BRCA1: variants seen among roughly 807,000 people sequenced by gnomAD.
The protein encoded by BRCA1 is breast cancer type 1 susceptibility protein.
Under a neutral mutation model 173.7 loss-of-function variants are expected in BRCA1, and 140 were observed. The observed-to-expected ratio is 0.81, with a 90% CI of 0.70 to 0.93. The LOEUF (loss-of-function observed/expected upper bound fraction) is 0.93. Among genes scored for constraint, BRCA1 ranks in the 40% least tolerant of loss-of-function variants. The probability of loss-of-function intolerance (pLI) is 0.00; values close to 1 mark genes in which losing one functional copy is unlikely to be tolerated. For missense variants in BRCA1, 1,983 were observed against 2,172.5 expected (o/e 0.91, Z 1.73); for synonymous variants, 662 against 756.0 (o/e 0.88, Z 2.04).
At chr17:43,067,890 T>G (rs868835932) in intron 15 of BRCA1, among the ~76,000 whole-genome samples, 195 bp from the exon 16 acceptor site, 1 of 50,112 alleles carries the variant, frequency 2.0e-5, no homozygotes, top group Non-Finnish European at 3.3e-5. Context: ...AGGCTGGAGG[T>G]AAAAAAAAAA....
At chr17:43,109,894 G>A (rs892479569) in intron 3 of BRCA1, among the ~76,000 whole-genome samples, 12 of 151,390 alleles carry the variant, frequency 7.9e-5, no homozygotes, top group East Asian at 3.9e-4. Context: ...ATAAGGATTC[G>A]AATCTTTTTT....
At chr17:43,103,460 C>G (rs574731550) in intron 6 of BRCA1, among the ~76,000 whole-genome samples, 60 of 142,668 alleles carry the variant, frequency 4.2e-4, no homozygotes, top group Non-Finnish European at 8.1e-4. Flanking sequence ...GAGCGAGACT[C>G]TGTCTCAAAA....
At chr17:43,155,979 G>A (rs1161973879) in intron 1 of BRCA1, among the ~76,000 whole-genome samples, 3 of 152,136 alleles carry the variant, frequency 2.0e-5, no homozygotes, top group South Asian at 2.1e-4. Flanking sequence ...GGCTCACACT[G>A]TAATCCCAGC....
intron 1 of BRCA1, among the ~76,000 whole-genome samples, chr17:43,147,937 C>T (rs1212042031): frequency 6.6e-6 from 1 of 152,176 alleles, no homozygotes; most frequent in Non-Finnish European, 1.5e-5. Context: ...CCTATCCCTC[C>T]CCACCTCTGG....
At chr17:43,066,621 G>T (rs2052081554) in intron 16 of BRCA1, among the ~76,000 whole-genome samples, 1 of 151,598 alleles carries the variant, frequency 6.6e-6, no homozygotes, top group Non-Finnish European at 1.5e-5. Flanking sequence ...ATATTGGCCA[G>T]GCTGGTCTCG....
In BRCA1 at chr17:43,067,343, C is replaced by T. The variant is rs147144902; in HGVS notation, c.5074+265G>A. On this transcript the variant is annotated intron_variant, in intron 16 of 22. Transcript: ENST00000357654. ...GATCTCGGCTCACTGCAACCTCCAT[C>T]TCCCCGGTTCAAGTGATTCTCCTGC... is the stretch of plus-strand genomic sequence containing the variant. 0.017 allele frequency: 5,670 copies of T among 340,932 alleles called. 114 individuals are homozygous for T. The highest frequency in any genetic ancestry group is 0.035 in the South Asian group (1,367 of 38,834). 21.1% of individuals were successfully genotyped at this position (340,932 alleles called of 1,614,324 possible). A position where few individuals can be genotyped will look rare whatever the true frequency, so the allele number is the denominator to read the frequency against.
At chr17:43,106,118 TAAA>T (rs766678487) in intron 4 of BRCA1, among the ~76,000 whole-genome samples, 4 of 124,466 alleles carry the variant, frequency 3.2e-5, no homozygotes, top group Admixed American at 8.3e-5. Context: ...GACCCTGTCT[TAAA>T]AAAAAAAAAA....
At chr17:43,067,884 T>G (rs1597826768) in intron 15 of BRCA1, among the ~76,000 whole-genome samples, 189 bp from the exon 16 acceptor site, 2 of 50,042 alleles carry the variant, frequency 4.0e-5, no homozygotes, top group Non-Finnish European at 6.7e-5. Context: ...TCACCCAGGC[T>G]GGAGGTAAAA....
intron 11 of BRCA1, among the ~76,000 whole-genome samples, chr17:43,083,502 T>G (rs1388664962): frequency 2.0e-5 from 3 of 152,164 alleles, no homozygotes; most frequent in Non-Finnish European, 2.9e-5. Flanking sequence ...AATTCATGAA[T>G]CTATCTGTTT....
At chr17:43,074,075 G>A (rs1026088370) in intron 14 of BRCA1, among the ~76,000 whole-genome samples, 7 of 152,012 alleles carry the variant, frequency 4.6e-5, no homozygotes. Flanking sequence ...TACATTTAGA[G>A]TACACCAAGA....
At chr17:43,123,361 T>G (rs912110275) in intron 2 of BRCA1, among the ~76,000 whole-genome samples, 4 of 146,956 alleles carry the variant, frequency 2.7e-5, no homozygotes, top group African/African-American at 7.7e-5. Context: ...TTTTTTTTTT[T>G]TTTTTTTTTT....
rs574913562 is a variant in BRCA1, at chr17:43,100,689, A to ATGT, written c.442-810_442-809insACA. On this transcript the variant is annotated intron_variant, in intron 6 of 22. Coordinates refer to ENST00000357654, the MANE Select transcript of BRCA1 (RefSeq NM_007294.4). Reference sequence around the variant, plus strand: ...ATATATATATATATAATATATATATATATATATATATATGTAATCCCAGCA... The same window carrying ATGT: ...ATATATATATATATAATATATATATATGTTATATATATATATGTAATCCCAGCA... Among the ~76,000 whole-genome samples the ATGT allele has an allele frequency of 6.2e-5, 6 of 96,922 alleles. No individual in the cohort carries two copies. Among genetic ancestry groups the ATGT allele is most frequent in the Admixed American group, 1.2e-4 (1 of 8,412 alleles). The allele number at this position is 96,922 out of a possible 152,430, so 63.6% of individuals were successfully genotyped here.
intron 2 of BRCA1, among the ~76,000 whole-genome samples, chr17:43,121,789 A>C (rs1461001861): frequency 6.6e-6 from 1 of 151,976 alleles, no homozygotes; most frequent in Non-Finnish European, 1.5e-5. Context: ...ACAATTTAGC[A>C]TTTTCATTCT....
chr17:43,054,551 C>T (rs2051379523), intron 19 of BRCA1, among the ~76,000 whole-genome samples: 1 of 151,992 alleles, frequency 6.6e-6, no homozygotes, highest in Non-Finnish European at 1.5e-5. Flanking sequence ...GCATTCTTCT[C>T]ACCTCAGCCT....
intron 1 of BRCA1, chr17:43,153,790 G>C (rs1226986805): frequency 6.6e-6 from 1 of 152,192 alleles, no homozygotes; most frequent in Non-Finnish European, 1.5e-5. Context: ...TTTACAGATG[G>C]TACTGTGTAC....
intron 4 of BRCA1, among the ~76,000 whole-genome samples, chr17:43,105,276 A>G (rs907387107): frequency 3.3e-5 from 5 of 152,010 alleles, no homozygotes; most frequent in African/African-American, 1.2e-4. Flanking sequence ...GTCTTGCTCT[A>G]TTGCCCAGGC....
rs186421008 is a variant in BRCA1, at chr17:43,060,751, C to T, written c.5193+2582G>A. 8.0e-3 allele frequency among the ~76,000 whole-genome samples: 1,219 copies of T among 151,436 alleles called. 16 individuals carry two copies. The highest frequency in any genetic ancestry group is 0.027 in the African/African-American group (1,102 of 41,364). ...CGAACTCCTGACCTCAAGTGATTTGCCTGCCTTGGCTTCCCAAAGTGCTGG... is the reference window on the plus strand; with the variant it reads ...CGAACTCCTGACCTCAAGTGATTTGTCTGCCTTGGCTTCCCAAAGTGCTGG... On this transcript the variant is annotated intron_variant, in intron 18 of 22. Coordinates refer to ENST00000357654, the MANE Select transcript of BRCA1 (RefSeq NM_007294.4).
intron 3 of BRCA1, among the ~76,000 whole-genome samples, chr17:43,108,893 T>C (rs1400754534): frequency 1.3e-5 from 2 of 151,882 alleles, no homozygotes; most frequent in African/African-American, 4.8e-5. Flanking sequence ...CTCAGGAGGC[T>C]GAGGCAGGAG....
chr17:43,145,331 T>TTCTTTC (rs199849427), intron 1 of BRCA1: 13 of 335,566 alleles, frequency 3.9e-5, no homozygotes, highest in South Asian at 2.3e-4. Context: ...TTTTCTTTCT[T>TTCTTTC]TTTTTTTTTT....
Sources: gnomAD v4.1 joint callset for allele counts (sites outside exome capture counted in the v4.1 genomes callset) on GRCh38, gnomAD v4.1.1 for gene constraint, MANE v1.5 for transcripts, NCBI Gene and HGNC (gene_info 2026-07-23, HGNC 2026-07-21) for gene names.